The following TSPAN11 variants were observed in gnomAD, a reference collection of about 807,000 sequenced individuals.
TSPAN11 encodes the protein tetraspanin 11, also known as tetraspanin-11.
A neutral mutation model predicts 32.9 loss-of-function variants in TSPAN11; 29 were observed. The ratio of observed to expected loss-of-function variants is 0.88; its 90% CI spans 0.66 to 1.20. The LOEUF (loss-of-function observed/expected upper bound fraction) is 1.20, where lower values mean the gene tolerates loss of function less well. TSPAN11 is among the 50% of genes most tolerant of loss of function. The probability of loss-of-function intolerance (pLI) is 0.00; values close to 1 mark genes in which losing one functional copy is unlikely to be tolerated. For synonymous variants in TSPAN11, 140 were observed against 141.3 expected (o/e 0.99, Z 0.07); for missense variants, 283 against 329.1 (o/e 0.86, Z 1.08).
At chr12:30,972,132 C>T (rs1024979382) in intron 3 of TSPAN11, among the ~76,000 whole-genome samples, 31 of 152,230 alleles carry the variant, frequency 2.0e-4, no homozygotes, top group Admixed American at 1.0e-3. Context: ...TACCTGTTTC[C>T]GTCAGACCAC....
At chr12:30,940,155 T>C (rs771124168) in intron 1 of TSPAN11, among the ~76,000 whole-genome samples, 14 of 152,210 alleles carry the variant, frequency 9.2e-5, no homozygotes, top group Non-Finnish European at 1.8e-4. Context: ...GTGCATGCCA[T>C]AGAAGCAATG....
chr12:30,983,851 G>A (rs571782564), intron 7 of TSPAN11, among the ~76,000 whole-genome samples: 1 of 152,272 alleles, frequency 6.6e-6, no homozygotes, highest in South Asian at 2.1e-4. Context: ...TAGGTTATAT[G>A]CAAATATTGC....
At chr12:30,986,153 C>G (rs181050676) in intron 7 of TSPAN11, among the ~76,000 whole-genome samples, 1 of 152,212 alleles carries the variant, frequency 6.6e-6, no homozygotes, top group African/African-American at 2.4e-5. Context: ...CCCCTACATA[C>G]CCAGCCTGGC....
chr12:30,939,268 G>T (rs1057171333), intron 1 of TSPAN11, among the ~76,000 whole-genome samples: 15 of 151,722 alleles, frequency 9.9e-5, no homozygotes, highest in Admixed American at 8.5e-4. Flanking sequence ...AGAAGGAGTG[G>T]CACCTGCCTC....
At chr12:31,009,180 CCCTGCTCACAGCACATCTTCCTA>C in the TSPAN11 span, among the ~76,000 whole-genome samples, 1 of 152,250 alleles carries the variant, frequency 6.6e-6, no homozygotes, top group Non-Finnish European at 1.5e-5. Flanking sequence ...TGCCTCCAGA[CCCTGCTCACAGCACATCTTCCTA>C]CCCAAAAAGC....
intron 7 of TSPAN11, among the ~76,000 whole-genome samples, chr12:30,985,938 C>T (rs923569296): frequency 1.7e-4 from 26 of 152,248 alleles, no homozygotes; most frequent in African/African-American, 6.3e-4. Flanking sequence ...GGCTCTCAAC[C>T]TCTTGCCCAG....
At chr12:30,982,116 G>T (rs1939103843) in intron 5 of TSPAN11, among the ~76,000 whole-genome samples, 1 of 152,152 alleles carries the variant, frequency 6.6e-6, no homozygotes, top group Non-Finnish European at 1.5e-5. Flanking sequence ...GACCAGGCTA[G>T]ATCTCTGTCC....
chr12:31,008,368 T>C, the TSPAN11 span, among the ~76,000 whole-genome samples: 3 of 152,194 alleles, frequency 2.0e-5, no homozygotes, highest in African/African-American at 7.2e-5. Context: ...CCATGCCTGC[T>C]CCCAGAACCC....
At chr12:31,004,029 T>G in the TSPAN11 span, among the ~76,000 whole-genome samples, 51 of 152,136 alleles carry the variant, frequency 3.4e-4, no homozygotes, top group Non-Finnish European at 3.2e-4. Context: ...GACAGGCAGG[T>G]GGAGGCTGGA....
chr12:30,949,142 T>C (rs1938327756), intron 1 of TSPAN11, among the ~76,000 whole-genome samples: 1 of 152,216 alleles, frequency 6.6e-6, no homozygotes, highest in African/African-American at 2.4e-5. Context: ...ACCATCAACA[T>C]TTTTGTCAAA....
intron 7 of TSPAN11, among the ~76,000 whole-genome samples, chr12:30,988,083 C>A (rs1255827596): frequency 6.6e-6 from 1 of 152,208 alleles, no homozygotes; most frequent in Non-Finnish European, 1.5e-5. Flanking sequence ...TGAAGTTCTG[C>A]ATTCCGGGAG....
At chr12:30,959,266 G>A (rs755231491) in intron 2 of TSPAN11, among the ~76,000 whole-genome samples, 6 of 152,134 alleles carry the variant, frequency 3.9e-5, no homozygotes, top group Non-Finnish European at 8.8e-5. Context: ...AGCACCACAG[G>A]CATGCAGGAG....
At chr12:30,955,485 C>A (rs1433961411) in intron 2 of TSPAN11, among the ~76,000 whole-genome samples, 1 of 152,140 alleles carries the variant, frequency 6.6e-6, no homozygotes, top group Non-Finnish European at 1.5e-5. Flanking sequence ...CTACAGATAA[C>A]CTCTAAAATA....
the TSPAN11 span, among the ~76,000 whole-genome samples, chr12:31,009,152 A>G: frequency 2.0e-5 from 3 of 152,192 alleles, no homozygotes; most frequent in Non-Finnish European, 4.4e-5. Flanking sequence ...GTTCTCGCAA[A>G]TGCGCCTTCC....
At chr12:30,999,127 T>C (rs950699068), downstream of TSPAN11, 2 of 151,852 alleles carry the variant, frequency 1.3e-5, no homozygotes, top group Admixed American at 6.6e-5. Context: ...CTGGGCAACA[T>C]AGGGAGACCC....
intron 1 of TSPAN11, among the ~76,000 whole-genome samples, chr12:30,951,419 G>A (rs1938378663): frequency 6.6e-6 from 1 of 152,184 alleles, no homozygotes; most frequent in Admixed American, 6.5e-5. Flanking sequence ...CTTTGCCCTG[G>A]TAGATCTGGT....
intron 3 of TSPAN11, among the ~76,000 whole-genome samples, chr12:30,966,185 G>T (rs1364966882): frequency 6.6e-6 from 1 of 152,118 alleles, no homozygotes; most frequent in African/African-American, 2.4e-5. Context: ...CCCCAAGCAG[G>T]CAGGGAACAG....
At chr12:30,979,132 A>G (rs1296930837) in intron 4 of TSPAN11, among the ~76,000 whole-genome samples, 2 of 152,148 alleles carry the variant, frequency 1.3e-5, no homozygotes, top group Non-Finnish European at 1.5e-5. Context: ...AGACAGTGCG[A>G]CCCTGCTGGT....
At chr12:30,958,188 T>C (rs1397583459) in intron 2 of TSPAN11, among the ~76,000 whole-genome samples, 1 of 152,098 alleles carries the variant, frequency 6.6e-6, no homozygotes, top group East Asian at 1.9e-4. Context: ...GATTTTGCTC[T>C]TGTTATAGGG....
Sources: gnomAD v4.1 joint callset for allele counts (sites outside exome capture counted in the v4.1 genomes callset) on GRCh38, gnomAD v4.1.1 for gene constraint, MANE v1.5 for transcripts, NCBI Gene and HGNC (gene_info 2026-07-23, HGNC 2026-07-21) for gene names.